DNM3: variants seen among roughly 807,000 people sequenced by gnomAD.
DNM3 encodes the protein dynamin 3.
DNM3 carries 47 observed loss-of-function variants against 101.6 expected under a neutral mutation model. The observed-to-expected ratio is 0.46, with a 90% CI of 0.37 to 0.59. The LOEUF (loss-of-function observed/expected upper bound fraction) is 0.59, where lower values mean the gene tolerates loss of function less well. Ranked by LOEUF, DNM3 falls within the 20% of genes least tolerant of loss-of-function variation. The pLI is 0.00. For missense variants in DNM3, 849 were observed against 1,085.7 expected (o/e 0.78, Z 3.06); for synonymous variants, 385 against 387.9 (o/e 0.99, Z 0.09).
intron 14 of DNM3, among the ~76,000 whole-genome samples, chr1:172,180,504 A>C (rs564827384): frequency 9.2e-5 from 14 of 152,222 alleles, no homozygotes; most frequent in Non-Finnish European, 1.9e-4. Context: ...TCTGCAATGC[A>C]TTTTATTTCT....
chr1:172,406,297 C>A lies in DNM3; in HGVS notation c.2523-1475C>A, dbSNP rs544318839. Among the ~76,000 whole-genome samples, 4 of 152,110 alleles carry A rather than the reference C, an allele frequency of 2.6e-5. No individual in the cohort carries two copies. The East Asian group carries it at 7.7e-4, about 29-fold the overall frequency. On this transcript the variant is annotated intron_variant, in intron 20 of 20. Coordinates refer to ENST00000627582, the MANE Select transcript of DNM3 (RefSeq NM_015569.5). ...ACATTGAGAATGTAATTGCATGTAA[C>A]ACCATGCTAAACACTGTATGAAACA...
At chr1:172,159,706 T>C (rs1485848103) in intron 14 of DNM3, among the ~76,000 whole-genome samples, 1 of 152,022 alleles carries the variant, frequency 6.6e-6, no homozygotes, top group Non-Finnish European at 1.5e-5. Context: ...ATGCAAAATA[T>C]CAGCTAATGG....
At chr1:172,180,921 T>C (rs1195396129) in intron 14 of DNM3, among the ~76,000 whole-genome samples, 2 of 152,106 alleles carry the variant, frequency 1.3e-5, no homozygotes, top group East Asian at 3.9e-4. Flanking sequence ...CAAAATAACA[T>C]TAAACAAGAA....
At chr1:172,332,450 C>T (rs1188028846) in intron 17 of DNM3, among the ~76,000 whole-genome samples, 2 of 152,118 alleles carry the variant, frequency 1.3e-5, no homozygotes, top group Non-Finnish European at 2.9e-5. Flanking sequence ...GCTGGGACTA[C>T]AGGTGCATGC....
At chr1:172,181,413 C>T (rs1416813694) in intron 14 of DNM3, among the ~76,000 whole-genome samples, 2 of 136,446 alleles carry the variant, frequency 1.5e-5, no homozygotes, top group South Asian at 2.4e-4. Flanking sequence ...CACACACACA[C>T]ATATTTCTGG....
At chr1:172,299,727 G>A (rs1172560918) in intron 15 of DNM3, among the ~76,000 whole-genome samples, 1 of 152,062 alleles carries the variant, frequency 6.6e-6, no homozygotes, top group Non-Finnish European at 1.5e-5. Context: ...TTCTTTTTAT[G>A]GGCTGCATAG....
chr1:172,279,798 G>A (rs774530460), intron 15 of DNM3, among the ~76,000 whole-genome samples: 1 of 151,938 alleles, frequency 6.6e-6, no homozygotes, highest in African/African-American at 2.4e-5. Flanking sequence ...TGGCCTCATC[G>A]GCCTAGTCAT....
At chr1:172,297,402 C>A (rs2064220814) in intron 15 of DNM3, among the ~76,000 whole-genome samples, 1 of 151,880 alleles carries the variant, frequency 6.6e-6, no homozygotes, top group Non-Finnish European at 1.5e-5. Context: ...CTCCCATTTC[C>A]CCCCTTAATT....
chr1:171,947,703 T>C (rs2042253317), intron 2 of DNM3, among the ~76,000 whole-genome samples: 1 of 152,184 alleles, frequency 6.6e-6, no homozygotes, highest in African/African-American at 2.4e-5. Context: ...CATTTCTATA[T>C]GTTTTTACTC....
At chr1:172,403,316 A>G (rs2070645992) in intron 20 of DNM3, among the ~76,000 whole-genome samples, 1 of 152,148 alleles carries the variant, frequency 6.6e-6, no homozygotes, top group Non-Finnish European at 1.5e-5. Context: ...GCTGGAAGCA[A>G]GAAGCTAGAG....
chr1:172,248,468 G>A (rs1192178862), intron 14 of DNM3, among the ~76,000 whole-genome samples: 1 of 151,978 alleles, frequency 6.6e-6, no homozygotes, highest in East Asian at 1.9e-4. Flanking sequence ...GCTTGAAGAG[G>A]CAAGCTAAAC....
intron 14 of DNM3, among the ~76,000 whole-genome samples, chr1:172,156,121 G>C (rs2148260366): frequency 6.6e-6 from 1 of 152,230 alleles, no homozygotes; most frequent in African/African-American, 2.4e-5. Context: ...TTTCAGCATA[G>C]TGTCCAGTGT....
intron 14 of DNM3, chr1:172,133,115 T>A: frequency 7.1e-7 from 1 of 1,413,082 alleles, no homozygotes; most frequent in Non-Finnish European, 9.2e-7. Context: ...TCCTGGGTGT[T>A]AGCAGCAGAG....
At chr1:172,406,658 C>T (rs190719669) in intron 20 of DNM3, among the ~76,000 whole-genome samples, 35 of 152,012 alleles carry the variant, frequency 2.3e-4, no homozygotes, top group Admixed American at 5.9e-4. Flanking sequence ...TTTTATAGTT[C>T]CATGATTTTT....
At chr1:172,280,378 T>A (rs921192693) in intron 15 of DNM3, among the ~76,000 whole-genome samples, 1 of 152,180 alleles carries the variant, frequency 6.6e-6, no homozygotes, top group Non-Finnish European at 1.5e-5. Flanking sequence ...AAAAATTTAA[T>A]CTTTTTTAAA....
intron 17 of DNM3, among the ~76,000 whole-genome samples, chr1:172,361,269 A>G (rs1234766258): frequency 6.6e-6 from 1 of 151,890 alleles, no homozygotes; most frequent in Non-Finnish European, 1.5e-5. Flanking sequence ...CCGTTCAACC[A>G]TTTGCCTACC....
chr1:172,377,552 T>TATATATA (rs2068666196), intron 17 of DNM3, among the ~76,000 whole-genome samples: 1 of 45,082 alleles, frequency 2.2e-5, no homozygotes. Flanking sequence ...TTGATATATA[T>TATATATA]CATATATATA....
At chr1:172,040,210 A>C (rs978004012) in intron 7 of DNM3, among the ~76,000 whole-genome samples, 10 of 152,152 alleles carry the variant, frequency 6.6e-5, no homozygotes, top group African/African-American at 2.2e-4. Context: ...TTCATGTTTC[A>C]GTGTGTATGT....
At chr1:171,919,994 C>A (rs1197872693) in intron 1 of DNM3, among the ~76,000 whole-genome samples, 1 of 152,128 alleles carries the variant, frequency 6.6e-6, no homozygotes, top group Non-Finnish European at 1.5e-5. Context: ...AAAGCACATA[C>A]AAATTTGTAA....
Sources: allele counts gnomAD v4.1 joint callset (sites outside exome capture counted in the v4.1 genomes callset), GRCh38; gene constraint gnomAD v4.1.1; transcripts MANE v1.5; gene names NCBI Gene and HGNC (gene_info 2026-07-23, HGNC 2026-07-21).